The following DOCK2 variants were observed in gnomAD, a reference collection of about 807,000 sequenced individuals.
The protein encoded by DOCK2 is dedicator of cytokinesis 2.
DOCK2 carries 87 observed loss-of-function variants against 248.9 expected under a neutral mutation model. That is an observed-to-expected ratio of 0.35 (90% confidence interval 0.29 to 0.42). DOCK2 has a LOEUF of 0.42. Ranked by LOEUF, DOCK2 falls within the 10% of genes least tolerant of loss-of-function variation. The probability of loss-of-function intolerance (pLI) is 1.00; values close to 1 mark genes in which losing one functional copy is unlikely to be tolerated. For missense variants in DOCK2, 1,747 were observed against 2,300.2 expected (o/e 0.76, Z 4.92); for synonymous variants, 805 against 821.6 (o/e 0.98, Z 0.35).
chr5:169,821,296 C>A (rs1292677949), intron 26 of DOCK2, among the ~76,000 whole-genome samples: 1 of 151,842 alleles, frequency 6.6e-6, no homozygotes, highest in East Asian at 1.9e-4. Flanking sequence ...TCGAGAAGAG[C>A]AACTCCAAGA....
chr5:169,870,293 C>T (rs987808782), intron 27 of DOCK2, among the ~76,000 whole-genome samples: 12 of 152,122 alleles, frequency 7.9e-5, no homozygotes, highest in African/African-American at 2.9e-4. Context: ...CCATCATGCT[C>T]GCTGAAAAGC....
intron 25 of DOCK2, among the ~76,000 whole-genome samples, chr5:169,797,417 C>T (rs1474055671): frequency 1.3e-5 from 2 of 152,294 alleles, no homozygotes; most frequent in South Asian, 2.1e-4. Flanking sequence ...TTTGAAGTGT[C>T]CCTGAGCCAT....
intron 13 of DOCK2, among the ~76,000 whole-genome samples, chr5:169,701,390 T>A (rs1760960904): frequency 6.6e-6 from 1 of 152,254 alleles, no homozygotes; most frequent in South Asian, 2.1e-4. Context: ...GGCTGTTTCT[T>A]TCCACATTTG....
At chr5:169,974,933 C>T (rs1055775248) in intron 27 of DOCK2, among the ~76,000 whole-genome samples, 37 of 152,084 alleles carry the variant, frequency 2.4e-4, no homozygotes, top group African/African-American at 6.7e-4. Context: ...AATGATAACC[C>T]CTCTCCTGGC....
intron 27 of DOCK2, among the ~76,000 whole-genome samples, chr5:169,901,631 T>C (rs190825916): frequency 1.1e-4 from 17 of 152,246 alleles, no homozygotes; most frequent in Non-Finnish European, 1.3e-4. Context: ...TGATGAGAAC[T>C]GGATAAACTC....
At position 170,079,997 on chromosome 5, in the gene DOCK2, G is replaced by A; in HGVS notation, c.5167-166G>A. On this transcript the variant is annotated intron_variant, in intron 49 of 51. Transcript: ENST00000520908. ...TAGTGTGCAACCTGTGCAACCATAT[G>A]TGGCAGGCTGGCATGGAATGGTATA... 6 of 1,138,516 alleles carry A rather than the reference G, an allele frequency of 5.3e-6. 1 individual carries two copies. In the South Asian group the frequency reaches 6.6e-5, roughly 13 times the overall value. The allele number at this position is 1,138,516 out of a possible 1,614,324, so 70.5% of individuals were successfully genotyped here.
intron 13 of DOCK2, 111 bp downstream of exon 13, chr5:169,700,250 C>T: frequency 6.9e-7 from 1 of 1,445,306 alleles, no homozygotes; most frequent in Non-Finnish European, 9.2e-7. Context: ...TGCCTCTCTC[C>T]ATTTCTGTCC....
At chr5:169,844,578 C>A (rs155075) in intron 27 of DOCK2, among the ~76,000 whole-genome samples, 106,633 of 152,160 alleles carry the variant, frequency 0.7, 38,347 homozygotes, top group African/African-American at 0.88. Context: ...TCACATTCCC[C>A]CCAGCAATGT....
chr5:169,645,072 T>C (rs560148302), intron 1 of DOCK2, among the ~76,000 whole-genome samples: 1 of 152,196 alleles, frequency 6.6e-6, no homozygotes, highest in African/African-American at 2.4e-5. Context: ...GTTCCAAGTG[T>C]TTGTTGTTGT....
intron 27 of DOCK2, among the ~76,000 whole-genome samples, chr5:169,937,540 T>C (rs901941713): frequency 1.3e-5 from 2 of 152,242 alleles, no homozygotes; most frequent in Non-Finnish European, 2.9e-5. Context: ...GCAATGATAA[T>C]AGGAACATAT....
intron 27 of DOCK2, chr5:169,980,553 A>C (rs1034678643): frequency 1.3e-5 from 2 of 152,058 alleles, no homozygotes; most frequent in Non-Finnish European, 2.9e-5. Context: ...GGAGCAGAGG[A>C]AACACACGCT....
chr5:169,954,028 T>C (rs190469870), intron 27 of DOCK2, among the ~76,000 whole-genome samples: 75 of 152,352 alleles, frequency 4.9e-4, no homozygotes, highest in African/African-American at 1.8e-3. Flanking sequence ...TATACTCTGG[T>C]TCTAGAGCAA....
intron 27 of DOCK2, among the ~76,000 whole-genome samples, chr5:169,867,840 G>A (rs1436950125): frequency 6.6e-6 from 1 of 152,184 alleles, no homozygotes; most frequent in Non-Finnish European, 1.5e-5. Flanking sequence ...TCTCCCCAGT[G>A]GAAACTGGAG....
At chr5:169,839,556 G>T (rs957406932) in intron 26 of DOCK2, among the ~76,000 whole-genome samples, 1 of 152,186 alleles carries the variant, frequency 6.6e-6, no homozygotes, top group Admixed American at 6.5e-5. Flanking sequence ...CTGGTAAAAT[G>T]CTCCAAGATA....
intron 6 of DOCK2, among the ~76,000 whole-genome samples, chr5:169,677,627 C>T (rs1477601281): frequency 6.6e-6 from 1 of 152,180 alleles, no homozygotes; most frequent in Admixed American, 6.5e-5. Context: ...TTTCCGTCTT[C>T]AAAGAGAGAG....
rs36216194 is a variant in DOCK2 at position 169,898,528 on chromosome 5, AAACAACAACAACAAC to A, written c.2799+57696_2799+57710del. 2.4e-3 allele frequency among the ~76,000 whole-genome samples: 358 copies of A among 151,242 alleles called. 1 individual carries two copies. The highest frequency in any genetic ancestry group is 8.5e-3 in the African/African-American group (350 of 41,114). ...TCCTCTACATGCACACACACACACA[AAACAACAACAACAAC>A]AACAACAACAACAACAACACACACC... On this transcript the variant is annotated intron_variant, in intron 27 of 51. Transcript: ENST00000520908.
intron 10 of DOCK2, among the ~76,000 whole-genome samples, chr5:169,697,373 T>C (rs1760695903): frequency 6.6e-6 from 1 of 152,186 alleles, no homozygotes; most frequent in African/African-American, 2.4e-5. Flanking sequence ...CAAGCTTGCA[T>C]CCTACCAACT....
At chr5:169,868,189 C>T (rs1771719683) in intron 27 of DOCK2, among the ~76,000 whole-genome samples, 1 of 152,172 alleles carries the variant, frequency 6.6e-6, no homozygotes, top group Non-Finnish European at 1.5e-5. Flanking sequence ...AGGAACACAA[C>T]AGTAAGTTAG....
At position 169,751,649 on chromosome 5, in the gene DOCK2, T is replaced by C. The variant is rs1360447048; in HGVS notation, c.2376+4145T>C. 7.9e-5 allele frequency among the ~76,000 whole-genome samples: 12 copies of C among 152,254 alleles called. No homozygotes were observed. In the South Asian group the frequency reaches 1.4e-3, roughly 18 times the overall value. On this transcript the variant is annotated intron_variant, in intron 23 of 51. Coordinates refer to ENST00000520908, the MANE Select transcript of DOCK2 (RefSeq NM_004946.3). ...AAACCTAAGCAAGTTATTGCCCATC[T>C]CTAATGCTCACCCAGCTTTTGTGAG...
Sources: gnomAD v4.1 joint callset for allele counts (sites outside exome capture counted in the v4.1 genomes callset) on GRCh38, gnomAD v4.1.1 for gene constraint, MANE v1.5 for transcripts, NCBI Gene and HGNC (gene_info 2026-07-23, HGNC 2026-07-21) for gene names.